Variants in FGFR2 observed in about 807,000 individuals in gnomAD.
FGFR2 encodes fibroblast growth factor receptor 2.
Under a neutral mutation model 95.9 loss-of-function variants are expected in FGFR2, and 19 were observed. The ratio of observed to expected loss-of-function variants is 0.20; its 90% CI spans 0.14 to 0.29. The LOEUF is 0.29. FGFR2 is among the 10% of genes least tolerant of loss of function. The pLI is 1.00. For synonymous variants in FGFR2, 392 were observed against 393.3 expected, an observed-to-expected ratio of 1.00 and a Z score of 0.04; for missense variants, 707 against 1,056.9, an observed-to-expected ratio of 0.67 and a Z score of 4.59.
chr10:121,560,217 C>T (rs139667185), intron 4 of FGFR2, among the ~76,000 whole-genome samples: 36 of 152,210 alleles, frequency 2.4e-4, no homozygotes, highest in Non-Finnish European at 4.1e-4. Flanking sequence ...TCCACCTGAT[C>T]GGGTTATTGG....
intron 16 of FGFR2, 38 bp from the exon 17 acceptor site, chr10:121,483,841 C>A (rs2133772923): frequency 1.3e-6 from 2 of 1,481,968 alleles, no homozygotes; most frequent in Non-Finnish European, 1.9e-6. Context: ...ATTTCATATG[C>A]ACTGGGTACG....
In FGFR2 at chr10:121,485,640, A is replaced by C. The variant is rs901621641; in HGVS notation, c.2058-108T>G. The C allele has an allele frequency of 2.1e-6, 3 of 1,458,504 alleles. No homozygotes were observed. In the Admixed American group the frequency reaches 5.4e-5, roughly 26 times the overall value. 90.3% of individuals were successfully genotyped at this position (1,458,504 alleles called of 1,614,324 possible). ...CTCCTCACTTCTGAAGTTCAAAGAC[A>C]AATGGGCCCTCCTGCAGTTCCTCCT... On this transcript the variant is annotated intron_variant, in intron 15 of 17. Coordinates refer to ENST00000358487, the MANE Select transcript of FGFR2 (RefSeq NM_000141.5). This position sits in a 1 kb window ranked among gnomAD's most constrained non-coding sequence, Gnocchi z 4.2.
rs778037648 is a variant in FGFR2, at chr10:121,482,204, G to C, written c.2301+1494C>G. 14 of 1,609,752 alleles carry C rather than the reference G, an allele frequency of 8.7e-6. No individual in the cohort carries two copies. The African/African-American group carries it at 1.7e-4, about 20-fold the overall frequency. ...TGATAGGAAAAAAACAGGGATATCA[G>C]TAGATTCCAAGTCTACAGTTAAAGG... On this transcript the variant is annotated intron_variant, in intron 17 of 17. Coordinates refer to ENST00000358487, the MANE Select transcript of FGFR2 (RefSeq NM_000141.5).
At chr10:121,538,778 C>T (rs1317671103) in intron 5 of FGFR2, 63 bp from the exon 6 acceptor site, 2 of 1,608,850 alleles carry the variant, frequency 1.2e-6, no homozygotes, top group Non-Finnish European at 1.7e-6. Flanking sequence ...AAGTACTGTG[C>T]TTTCTTGATT....
At chr10:121,510,688 C>T (rs1254214224) in intron 9 of FGFR2, among the ~76,000 whole-genome samples, 1 of 152,148 alleles carries the variant, frequency 6.6e-6, no homozygotes, top group African/African-American at 2.4e-5. Context: ...CCGCTCCTCC[C>T]CCTTCATCTT....
chr10:121,515,607 T>G (rs892546983), intron 8 of FGFR2, among the ~76,000 whole-genome samples: 2 of 151,976 alleles, frequency 1.3e-5, no homozygotes, highest in Non-Finnish European at 2.9e-5. Flanking sequence ...TGTTAGACAT[T>G]TCAGTGGAGG....
In FGFR2 at chr10:121,544,139, T is replaced by C. The variant is rs559549239; in HGVS notation, c.625-5424A>G. Among the ~76,000 whole-genome samples the C allele has an allele frequency of 4.6e-5, 7 of 152,194 alleles. 1 individual carries two copies. The South Asian group carries it at 1.5e-3, about 32-fold the overall frequency. On this transcript the variant is annotated intron_variant, in intron 5 of 17. Transcript: ENST00000358487. Reference sequence around the variant, plus strand: ...GTAGAAGCAACCCAAGTGATCATCATCAGATGAATGGATAAACAAAATGTG... The same window carrying C: ...GTAGAAGCAACCCAAGTGATCATCACCAGATGAATGGATAAACAAAATGTG...
In FGFR2 at chr10:121,564,499, T is replaced by C. The variant is rs768823111; in HGVS notation, c.454+3A>G. On this transcript the variant is annotated splice_donor_region_variant and intron_variant, in intron 4 of 17. Coordinates refer to ENST00000358487, the MANE Select transcript of FGFR2 (RefSeq NM_000141.5). ...GGACCATCGGAGCCGGGCAGTTACT[T>C]ACTCTTGTTGTTACTGTTCTCACTG... 18 of 1,613,636 alleles carry C rather than the reference T, an allele frequency of 1.1e-5. No individual in the cohort carries two copies. Among genetic ancestry groups the C allele is most frequent in the Middle Eastern group, 1.7e-4 (1 of 6,060 alleles).
chr10:121,508,108 G>T (rs951663044), intron 9 of FGFR2, among the ~76,000 whole-genome samples: 2 of 152,168 alleles, frequency 1.3e-5, no homozygotes, highest in Non-Finnish European at 2.9e-5. Flanking sequence ...AAGGTCTTGG[G>T]CATCCACAGA....
intron 9 of FGFR2, 112 bp downstream of exon 9, chr10:121,515,005 C>T: frequency 9.8e-7 from 1 of 1,017,048 alleles, no homozygotes; most frequent in Non-Finnish European, 1.5e-6. Context: ...ACCAGAATCA[C>T]TCGCACATGG....
intron 4 of FGFR2, among the ~76,000 whole-genome samples, chr10:121,554,198 C>G (rs1855793589): frequency 6.6e-6 from 1 of 152,180 alleles, no homozygotes; most frequent in Non-Finnish European, 1.5e-5. Flanking sequence ...AATCCAGGCA[C>G]AACCCTCCAC....
At chr10:121,597,707 G>C (rs571211713) in intron 1 of FGFR2, among the ~76,000 whole-genome samples, 1 of 152,248 alleles carries the variant, frequency 6.6e-6, no homozygotes, top group African/African-American at 2.4e-5. Flanking sequence ...AGGGAGGGGG[G>C]CGTCAACGCC....
chr10:121,531,814 C>T lies in FGFR2; in HGVS notation c.748+6778G>A, dbSNP rs1430924544. Among the ~76,000 whole-genome samples the T allele has an allele frequency of 1.3e-5, 2 of 152,122 alleles. No homozygotes were observed. Among genetic ancestry groups the T allele is most frequent in the Non-Finnish European group, 2.9e-5 (2 of 68,012 alleles). On this transcript the variant is annotated intron_variant, in intron 6 of 17. Coordinates refer to ENST00000358487, the MANE Select transcript of FGFR2 (RefSeq NM_000141.5). This position sits in a 1 kb window ranked among gnomAD's most constrained non-coding sequence, Gnocchi z 4.5. Reference sequence around the variant, plus strand: ...GAGGGCATCTGGCACAGAGTAGAGACCCTTAGGGGTTGTCTGTGACAGCGA... The same window carrying T: ...GAGGGCATCTGGCACAGAGTAGAGATCCTTAGGGGTTGTCTGTGACAGCGA...
chr10:121,578,845 G>C (rs558150505), intron 2 of FGFR2, among the ~76,000 whole-genome samples: 55 of 152,358 alleles, frequency 3.6e-4, no homozygotes, highest in African/African-American at 1.2e-3. Context: ...CGGAGGCAGA[G>C]GTTGCAGTGA....
intron 6 of FGFR2, among the ~76,000 whole-genome samples, chr10:121,536,084 G>A (rs11199995): frequency 1.1e-4 from 17 of 152,166 alleles, no homozygotes; most frequent in Admixed American, 2.0e-4. Context: ...ACACAGCAGT[G>A]TATCACATTT....
chr10:121,485,675 T>G lies in FGFR2; in HGVS notation c.2058-143A>C. On this transcript the variant is annotated intron_variant, in intron 15 of 17. Coordinates refer to ENST00000358487, the MANE Select transcript of FGFR2 (RefSeq NM_000141.5). This position sits in a 1 kb window ranked among gnomAD's most constrained non-coding sequence, Gnocchi z 4.2. ...TCCTGCAGTTCCTCCTATGTGCTCT[T>G]TCCTGCCCTGCAAGAGCATCCCCGA... is the stretch of plus-strand genomic sequence containing the variant. 9.5e-7 allele frequency: 1 copy of G among 1,049,618 alleles called. No individual in the cohort carries two copies. Among genetic ancestry groups the G allele is most frequent in the Admixed American group, 2.0e-5 (1 of 49,448 alleles). 65.0% of individuals were successfully genotyped at this position (1,049,618 alleles called of 1,614,324 possible). A position where few individuals can be genotyped will look rare whatever the true frequency, so the allele number is the denominator to read the frequency against.
intron 17 of FGFR2, among the ~76,000 whole-genome samples, chr10:121,482,526 T>C (rs1844892465): frequency 6.6e-6 from 1 of 152,250 alleles, no homozygotes; most frequent in Non-Finnish European, 1.5e-5. Flanking sequence ...ACTTTTTTCT[T>C]GTTGAGACAA....
At chr10:121,592,255 AC>A (rs1410195509) in intron 2 of FGFR2, among the ~76,000 whole-genome samples, 3 of 152,136 alleles carry the variant, frequency 2.0e-5, no homozygotes, top group Non-Finnish European at 4.4e-5. Context: ...GAAACCAGGA[AC>A]TTTTTCCCTC....
Position 121,518,372 on chromosome 10 carries a change from G to A in FGFR2, c.940-909C>T, listed in dbSNP as rs1196203281. On this transcript the variant is annotated intron_variant, in intron 7 of 17. Coordinates refer to ENST00000358487, the MANE Select transcript of FGFR2 (RefSeq NM_000141.5). This position sits in a 1 kb window ranked among gnomAD's most constrained non-coding sequence, Gnocchi z 4.0. ...CATGGAAGCGTGTGTTTTAAATGGT[G>A]TTAATGTGCAGTAATGATGGGAAAT... is the stretch of plus-strand genomic sequence containing the variant. Among the ~76,000 whole-genome samples the A allele has an allele frequency of 6.6e-6, 1 of 152,202 alleles. No homozygotes were observed. Among genetic ancestry groups the A allele is most frequent in the Non-Finnish European group, 1.5e-5 (1 of 68,036 alleles).
Sources: allele counts gnomAD v4.1 joint callset (sites outside exome capture counted in the v4.1 genomes callset), GRCh38; gene constraint gnomAD v4.1.1; non-coding constraint Gnocchi (gnomAD v3.1); transcripts MANE v1.5; gene names NCBI Gene and HGNC (gene_info 2026-07-23, HGNC 2026-07-21).